CAMK1D: variants seen among roughly 807,000 people sequenced by gnomAD.
CAMK1D encodes calcium/calmodulin-dependent protein kinase type 1D.
A neutral mutation model predicts 47.7 loss-of-function variants in CAMK1D; 9 were observed. That is an observed-to-expected ratio of 0.19 (90% CI 0.11 to 0.33). The LOEUF (loss-of-function observed/expected upper bound fraction) is 0.33. CAMK1D is among the 10% of genes least tolerant of loss of function. The probability of loss-of-function intolerance (pLI) is 1.00; values close to 1 mark genes in which losing one functional copy is unlikely to be tolerated. For missense variants in CAMK1D, 291 were observed against 488.7 expected (o/e 0.60, Z 3.81); for synonymous variants, 184 against 184.9 (o/e 0.99, Z 0.04).
intron 2 of CAMK1D, among the ~76,000 whole-genome samples, chr10:12,639,463 C>A (rs757248082): frequency 6.6e-6 from 1 of 151,908 alleles, no homozygotes; most frequent in African/African-American, 2.4e-5. Context: ...CCAGCTTGGG[C>A]GACAGAGCAA....
intron 3 of CAMK1D, among the ~76,000 whole-genome samples, chr10:12,717,732 A>G (rs1159903508): frequency 3.4e-4 from 2 of 5,832 alleles, no homozygotes; most frequent in Non-Finnish European, 8.8e-3. Context: ...CAAAAAATTG[A>G]AAAAAAAAAA....
Position 12,489,817 on chromosome 10 carries a change from C to G in CAMK1D, c.93-63408C>G, listed in dbSNP as rs557430659. 8.5e-5 allele frequency among the ~76,000 whole-genome samples: 13 copies of G among 152,298 alleles called. No homozygotes were observed. The East Asian group carries it at 2.3e-3, about 27-fold the overall frequency. ...CAGAAGTTTGCCTGAGGTGGACTCT[C>G]TGGTGTCAGCGATTGCTTTTAGGTG... On this transcript the variant is annotated intron_variant, in intron 1 of 10. Transcript: ENST00000619168.
chr10:12,372,010 A>G (rs1428154103), intron 1 of CAMK1D, among the ~76,000 whole-genome samples: 1 of 152,062 alleles, frequency 6.6e-6, no homozygotes, highest in Non-Finnish European at 1.5e-5. Flanking sequence ...CCTTTTCCGT[A>G]TCTTGATATA....
At chr10:12,711,320 CTG>C (rs1833928606) in intron 3 of CAMK1D, among the ~76,000 whole-genome samples, 1 of 152,166 alleles carries the variant, frequency 6.6e-6, no homozygotes, top group Non-Finnish European at 1.5e-5. Flanking sequence ...GAGCGAGAAA[CTG>C]AACCTTGCTT....
chr10:12,390,939 A>G (rs961019232), intron 1 of CAMK1D, among the ~76,000 whole-genome samples: 2 of 152,066 alleles, frequency 1.3e-5, no homozygotes, highest in Non-Finnish European at 2.9e-5. Flanking sequence ...TTATGAATCA[A>G]CTTGATGAGA....
chr10:12,425,135 C>T (rs1191178340), intron 1 of CAMK1D, among the ~76,000 whole-genome samples: 1 of 152,160 alleles, frequency 6.6e-6, no homozygotes, highest in African/African-American at 2.4e-5. Context: ...GGTCCATCTG[C>T]ATGGAGTCTG....
intron 1 of CAMK1D, among the ~76,000 whole-genome samples, chr10:12,452,081 G>C (rs933409283): frequency 6.6e-6 from 1 of 152,176 alleles, no homozygotes; most frequent in South Asian, 2.1e-4. Context: ...CGTGGAGCAG[G>C]CGAGTCAGGT....
At chr10:12,358,895 G>A (rs1483717534) in intron 1 of CAMK1D, among the ~76,000 whole-genome samples, 1 of 152,170 alleles carries the variant, frequency 6.6e-6, no homozygotes, top group Non-Finnish European at 1.5e-5. Flanking sequence ...GTTCCATTGG[G>A]GAAGAACACG....
chr10:12,728,471 G>A (rs1345621804), intron 3 of CAMK1D, among the ~76,000 whole-genome samples: 3 of 152,218 alleles, frequency 2.0e-5, no homozygotes. Context: ...ACCCGTTATT[G>A]TGCACTGGCA....
chr10:12,550,507 C>T (rs1341638525), intron 1 of CAMK1D, among the ~76,000 whole-genome samples: 9 of 152,146 alleles, frequency 5.9e-5, no homozygotes, highest in Non-Finnish European at 5.9e-5. Context: ...GCTCAGGGGC[C>T]GTCTCTGGAA....
chr10:12,739,050 A>G (rs1029426301), intron 3 of CAMK1D, among the ~76,000 whole-genome samples: 1 of 151,960 alleles, frequency 6.6e-6, no homozygotes, highest in African/African-American at 2.4e-5. Flanking sequence ...CAGGTTGGAC[A>G]ACATGGGGAA....
At chr10:12,617,524 C>G (rs942439714) in intron 2 of CAMK1D, among the ~76,000 whole-genome samples, 12 of 152,164 alleles carry the variant, frequency 7.9e-5, no homozygotes, top group African/African-American at 2.9e-4. Context: ...AAAATAAGCG[C>G]ACCCCAGGGC....
intron 2 of CAMK1D, among the ~76,000 whole-genome samples, chr10:12,655,024 G>A (rs1304153933): frequency 1.3e-5 from 2 of 152,176 alleles, no homozygotes; most frequent in African/African-American, 2.4e-5. Flanking sequence ...ATTCTAGCAC[G>A]TATCTGAGCT....
intron 1 of CAMK1D, among the ~76,000 whole-genome samples, chr10:12,373,261 C>T (rs772161569): frequency 1.3e-5 from 2 of 150,544 alleles, no homozygotes; most frequent in East Asian, 2.0e-4. Context: ...TGCAGTGAGC[C>T]GTGATCACGC....
intron 5 of CAMK1D, among the ~76,000 whole-genome samples, chr10:12,790,175 A>G (rs1381337455): frequency 1.3e-5 from 2 of 152,260 alleles, no homozygotes; most frequent in African/African-American, 4.8e-5. Flanking sequence ...CTTGATGAAG[A>G]GTGCTTTAGA....
chr10:12,404,668 G>A (rs1040311135), intron 1 of CAMK1D, among the ~76,000 whole-genome samples: 3 of 151,714 alleles, frequency 2.0e-5, no homozygotes, highest in African/African-American at 4.8e-5. Context: ...ATTTTAATCC[G>A]TAATGACCAA....
intron 3 of CAMK1D, among the ~76,000 whole-genome samples, chr10:12,694,524 GATATATATTATGTATAAA>G (rs1297659143): frequency 1.6e-5 from 1 of 60,846 alleles, no homozygotes; most frequent in African/African-American, 6.8e-5. Context: ...AAATATATAT[GATATATATTATGTATAAA>G]ATATATATTA....
At chr10:12,781,366 A>G (rs540852062) in intron 5 of CAMK1D, among the ~76,000 whole-genome samples, 5 of 152,372 alleles carry the variant, frequency 3.3e-5, no homozygotes, top group African/African-American at 9.6e-5. Flanking sequence ...GTTTGTGGCC[A>G]CATTGCTCTG....
At chr10:12,806,520 C>T (rs1415701419) in intron 6 of CAMK1D, among the ~76,000 whole-genome samples, 4 of 152,218 alleles carry the variant, frequency 2.6e-5, no homozygotes, top group Non-Finnish European at 5.9e-5. Flanking sequence ...CCATAGCGTC[C>T]AGCCTCTGGG....
Sources: gnomAD v4.1 joint callset for allele counts (sites outside exome capture counted in the v4.1 genomes callset) on GRCh38, gnomAD v4.1.1 for gene constraint, MANE v1.5 for transcripts, NCBI Gene and HGNC (gene_info 2026-07-23, HGNC 2026-07-21) for gene names.